The following RNFT2 variants were observed in gnomAD, a reference collection of about 807,000 sequenced individuals.
RNFT2 encodes ring finger protein, transmembrane 2.
RNFT2 carries 36 observed loss-of-function variants against 53.0 expected under a neutral mutation model. The ratio of observed to expected loss-of-function variants is 0.68; its 90% CI spans 0.52 to 0.90. The LOEUF (loss-of-function observed/expected upper bound fraction) is 0.90. RNFT2 is among the 40% of genes least tolerant of loss of function. The pLI is 0.00. For missense variants in RNFT2, 514 were observed against 585.6 expected (o/e 0.88, Z 1.26); for synonymous variants, 260 against 253.2 (o/e 1.03, Z -0.26).
At chr12:116,760,263 A>G (rs1872646215) in intron 5 of RNFT2, among the ~76,000 whole-genome samples, 1 of 152,144 alleles carries the variant, frequency 6.6e-6, no homozygotes, top group Non-Finnish European at 1.5e-5. Flanking sequence ...AACCTGCCCC[A>G]GACTATCCGC....
intron 7 of RNFT2, among the ~76,000 whole-genome samples, chr12:116,812,191 A>C (rs1875413608): frequency 6.6e-6 from 1 of 152,174 alleles, no homozygotes; most frequent in Non-Finnish European, 1.5e-5. Context: ...GAACAAGAAC[A>C]AGACAGAGGG....
intron 7 of RNFT2, among the ~76,000 whole-genome samples, chr12:116,794,689 A>AGGGAGGGAGGGAGGGG (rs1566083539): frequency 2.9e-5 from 2 of 70,144 alleles, no homozygotes; most frequent in African/African-American, 1.2e-4. Context: ...GGAGGGAGGG[A>AGGGAGGGAGGGAGGGG]GGGAAGGGAA....
At chr12:116,767,363 T>C (rs555599728) in intron 6 of RNFT2, among the ~76,000 whole-genome samples, 2 of 150,820 alleles carry the variant, frequency 1.3e-5, no homozygotes, top group African/African-American at 4.9e-5. Context: ...GTACTACAAG[T>C]GCATGCCACC....
intron 6 of RNFT2, among the ~76,000 whole-genome samples, chr12:116,778,891 G>A (rs1215512067): frequency 6.6e-6 from 1 of 152,094 alleles, no homozygotes; most frequent in African/African-American, 2.4e-5. Context: ...TCCTCTATAA[G>A]TTACCCAGCC....
At position 116,841,968 on chromosome 12, in the gene RNFT2, G is replaced by T. The variant is rs12313743; in HGVS notation, c.1200+5686G>T. 3.3e-3 allele frequency among the ~76,000 whole-genome samples: 61 copies of T among 18,426 alleles called. 1 individual carries two copies. Among genetic ancestry groups the T allele is most frequent in the Non-Finnish European group, 0.021 (42 of 1,972 alleles). 12.1% of individuals were successfully genotyped at this position (18,426 alleles called of 152,430 possible). ...ATATAAATATATATATAGAGAGAGA[G>T]AGAGAGAGAGAGAGAGAGGGAGGAT... On this transcript the variant is annotated intron_variant, in intron 10 of 10. Coordinates refer to ENST00000257575, the MANE Select transcript of RNFT2 (RefSeq NM_001382266.1).
intron 7 of RNFT2, among the ~76,000 whole-genome samples, chr12:116,789,389 A>G (rs143723292): frequency 0.015 from 2,106 of 143,196 alleles, 63 homozygotes; most frequent in African/African-American, 0.052. Context: ...GAGTAGATGG[A>G]TAGATGAGTG....
chr12:116,771,609 G>C (rs1873198173), intron 6 of RNFT2, among the ~76,000 whole-genome samples: 1 of 150,024 alleles, frequency 6.7e-6, no homozygotes, highest in Non-Finnish European at 1.5e-5. Context: ...ATAATGTTAA[G>C]TGATAAAAAT....
intron 10 of RNFT2, 39 bp from the exon 11 acceptor site, chr12:116,849,275 G>A: frequency 6.7e-7 from 1 of 1,488,478 alleles, no homozygotes; most frequent in African/African-American, 1.4e-5. Context: ...CAGACGCTCA[G>A]TAAAGAGTCC....
intron 7 of RNFT2, chr12:116,782,079 C>CAAGAAAAAAAAAAAAAAAA (rs1873735178): frequency 2.9e-5 from 1 of 34,348 alleles, no homozygotes; most frequent in Non-Finnish European, 5.3e-5. Context: ...ACTCCGTCTC[C>CAAGAAAAAAAAAAAAAAAA]AAAAAAAAAA....
At position 116,851,807 on chromosome 12, in the gene RNFT2, G is replaced by A; in HGVS notation, c.*2359G>A. 1 of 978,872 alleles carries A rather than the reference G, an allele frequency of 1.0e-6. No homozygotes were observed. 60.6% of individuals were successfully genotyped at this position (978,872 alleles called of 1,614,324 possible). ...GGAAGGAAGGAAGGAAAGAAAGAAAGGTCAGCTTTGGCCCAGATGTGGTTA... is the reference window on the plus strand; with the variant it reads ...GGAAGGAAGGAAGGAAAGAAAGAAAAGTCAGCTTTGGCCCAGATGTGGTTA... On this transcript the variant is annotated 3_prime_UTR_variant, in exon 11 of 11. Coordinates refer to ENST00000257575, the MANE Select transcript of RNFT2 (RefSeq NM_001382266.1).
rs565892967 is a variant in RNFT2, at chr12:116,790,689, G to T, written c.882+11341G>T. ...ATTAACCATTAGGCTGGGCTCAATG[G>T]CTCATGCCTGTTATCCCAGCACTTT... On this transcript the variant is annotated intron_variant, in intron 7 of 10. Transcript: ENST00000257575. Among the ~76,000 whole-genome samples, 32 of 152,348 alleles carry T rather than the reference G, an allele frequency of 2.1e-4. No individual in the cohort carries two copies. In the South Asian group the frequency reaches 3.5e-3, roughly 17 times the overall value.
At chr12:116,747,538 T>A (rs1871956270) in intron 3 of RNFT2, among the ~76,000 whole-genome samples, 1 of 151,920 alleles carries the variant, frequency 6.6e-6, no homozygotes, top group Non-Finnish European at 1.5e-5. Flanking sequence ...ACTCTGTGGA[T>A]AATGGTCTCA....
chr12:116,762,702 A>G (rs2137092684), intron 5 of RNFT2, among the ~76,000 whole-genome samples: 1 of 151,462 alleles, frequency 6.6e-6, no homozygotes, highest in South Asian at 2.1e-4. Context: ...GTGCACCACC[A>G]AGATTACCAA....
intron 6 of RNFT2, among the ~76,000 whole-genome samples, chr12:116,768,983 A>T (rs1395473272): frequency 6.6e-6 from 1 of 151,988 alleles, no homozygotes; most frequent in Admixed American, 6.6e-5. Flanking sequence ...TACCTGCCTC[A>T]ACCTCCCAAA....
In RNFT2 at chr12:116,852,892, C is replaced by G. The variant is rs1407151718; in HGVS notation, c.*3444C>G. ...ACTAGTGAATACCCCAATGGTTTCT[C>G]CAATTATGCCCATGCCACCAAAACA... On this transcript the variant is annotated 3_prime_UTR_variant, in exon 11 of 11. Transcript: ENST00000257575. The G allele has an allele frequency of 1.6e-6, 1 of 617,772 alleles. No individual in the cohort carries two copies. Among genetic ancestry groups the G allele is most frequent in the Admixed American group, 3.0e-5 (1 of 33,748 alleles). 38.3% of individuals were successfully genotyped at this position (617,772 alleles called of 1,614,324 possible).
intron 7 of RNFT2, among the ~76,000 whole-genome samples, chr12:116,800,830 A>AAAT (rs1874742393): frequency 6.9e-6 from 1 of 145,688 alleles, no homozygotes; most frequent in African/African-American, 2.6e-5. Flanking sequence ...AAATAAAATA[A>AAAT]AATAAAATAA....
At chr12:116,805,222 T>C (rs1874988101) in intron 7 of RNFT2, among the ~76,000 whole-genome samples, 1 of 151,774 alleles carries the variant, frequency 6.6e-6, no homozygotes, top group African/African-American at 2.4e-5. Context: ...TACTTCTTGA[T>C]GTTTGATTTT....
chr12:116,805,090 A>G (rs1018234712), intron 7 of RNFT2, among the ~76,000 whole-genome samples: 5 of 151,180 alleles, frequency 3.3e-5, no homozygotes, highest in Middle Eastern at 3.5e-3. Context: ...TGTACTAGAG[A>G]CACATTATCA....
At chr12:116,742,355 C>T (rs1871653463) in intron 3 of RNFT2, among the ~76,000 whole-genome samples, 1 of 150,358 alleles carries the variant, frequency 6.7e-6, no homozygotes, top group Non-Finnish European at 1.5e-5. Flanking sequence ...GCAGCCTCGA[C>T]CTCTCAGGCT....
Sources: gnomAD v4.1 joint callset for allele counts (sites outside exome capture counted in the v4.1 genomes callset) on GRCh38, gnomAD v4.1.1 for gene constraint, MANE v1.5 for transcripts, NCBI Gene and HGNC (gene_info 2026-07-23, HGNC 2026-07-21) for gene names.